ASS1: variants seen among roughly 807,000 people sequenced by gnomAD.
The protein encoded by ASS1 is argininosuccinate synthase 1.
Under a neutral mutation model 60.5 loss-of-function variants are expected in ASS1, and 58 were observed. That is an observed-to-expected ratio of 0.96 (90% CI 0.78 to 1.19). The LOEUF (loss-of-function observed/expected upper bound fraction) is 1.19, where lower values mean the gene tolerates loss of function less well. Among genes scored for constraint, ASS1 ranks in the 50% most tolerant of loss-of-function variants. ASS1 has a pLI of 0.00. For missense variants in ASS1, 454 were observed against 547.3 expected, an observed-to-expected ratio of 0.83 and a Z score of 1.70; for synonymous variants, 200 against 206.9, an observed-to-expected ratio of 0.97 and a Z score of 0.29.
Position 130,477,179 on chromosome 9 carries a change from G to A in ASS1, c.688+218G>A, listed in dbSNP as rs113834485. On this transcript the variant is annotated intron_variant, in intron 9 of 14. Transcript: ENST00000352480. This position sits in a 1 kb window ranked among gnomAD's most constrained non-coding sequence, Gnocchi z 4.2. ...CTAGGCTTGGGAGGAACATGCCCTC[G>A]GCTACCCATCACTCGGGTTCATGGG... Among the ~76,000 whole-genome samples the A allele has an allele frequency of 6.6e-6, 1 of 152,088 alleles. No individual in the cohort carries two copies. Among genetic ancestry groups the A allele is most frequent in the African/African-American group, 2.4e-5 (1 of 41,410 alleles).
intron 4 of ASS1, among the ~76,000 whole-genome samples, chr9:130,462,805 G>A (rs1311748109): frequency 6.6e-6 from 1 of 152,226 alleles, no homozygotes; most frequent in Non-Finnish European, 1.5e-5. Flanking sequence ...GCCTCCTGGG[G>A]CTGCTCAAAG....
At chr9:130,450,054 C>T (rs1234412773) in intron 1 of ASS1, among the ~76,000 whole-genome samples, 1 of 152,196 alleles carries the variant, frequency 6.6e-6, no homozygotes, top group Non-Finnish European at 1.5e-5. Context: ...CCACCCGCGC[C>T]ATCACACGCA....
chr9:130,471,437 T>G (rs778270266), intron 7 of ASS1, 48 bp from the exon 8 acceptor site: 2 of 1,607,500 alleles, frequency 1.2e-6, no homozygotes, highest in East Asian at 2.2e-5. Flanking sequence ...GATGGGGACA[T>G]GCCATGTCCC....
chr9:130,481,735 G>A (rs546411500), intron 11 of ASS1, among the ~76,000 whole-genome samples: 5 of 152,332 alleles, frequency 3.3e-5, no homozygotes, highest in African/African-American at 1.2e-4. Flanking sequence ...AGCATGGACC[G>A]GGGCGGGGAC....
chr9:130,464,026 C>G, intron 4 of ASS1, 85 bp from the exon 5 acceptor site: 1 of 1,454,084 alleles, frequency 6.9e-7, no homozygotes, highest in South Asian at 1.1e-5. Flanking sequence ...GTCTCCGCCA[C>G]GGGCTGTCCT....
chr9:130,467,045 C>G (rs373463553), intron 6 of ASS1, among the ~76,000 whole-genome samples: 1 of 152,216 alleles, frequency 6.6e-6, no homozygotes, highest in Non-Finnish European at 1.5e-5. Context: ...CCCAGTCCCC[C>G]GAGCCAGAGG....
At chr9:130,487,356 C>T (rs1379222858) in intron 11 of ASS1, among the ~76,000 whole-genome samples, 3 of 151,272 alleles carry the variant, frequency 2.0e-5, no homozygotes, top group Admixed American at 2.0e-4. Flanking sequence ...TCAGCCTCCC[C>T]AGATCCCCGG....
At chr9:130,452,483 G>C in intron 2 of ASS1, 150 bp downstream of exon 2, 1 of 752,540 alleles carries the variant, frequency 1.3e-6, no homozygotes, top group Non-Finnish European at 2.4e-6. Context: ...TCTTGAACTG[G>C]AACTAGGAAA....
chr9:130,455,051 T>TCATC (rs141916013), intron 3 of ASS1, among the ~76,000 whole-genome samples: 2 of 147,152 alleles, frequency 1.4e-5, no homozygotes, highest in Non-Finnish European at 3.0e-5. Context: ...CATTCATCCA[T>TCATC]CATCCATCCA....
At chr9:130,446,461 G>A (rs1387049876) in intron 1 of ASS1, among the ~76,000 whole-genome samples, 1 of 152,184 alleles carries the variant, frequency 6.6e-6, no homozygotes, top group African/African-American at 2.4e-5. Flanking sequence ...CTGTCCTGGC[G>A]GGGCCATCTG....
intron 5 of ASS1, 116 bp downstream of exon 5, chr9:130,464,283 C>T: frequency 3.1e-6 from 4 of 1,310,150 alleles, no homozygotes; most frequent in Non-Finnish European, 4.4e-6. Context: ...TCCTCCGTGG[C>T]AGGGGTGCCC....
chr9:130,450,400 T>C, intron 1 of ASS1: 1 of 948,228 alleles, frequency 1.1e-6, no homozygotes, highest in Non-Finnish European at 1.3e-6. Flanking sequence ...GCATGGCCAA[T>C]TGCCTGGCTG....
chr9:130,486,080 G>A (rs1846301417), intron 11 of ASS1, among the ~76,000 whole-genome samples: 1 of 151,886 alleles, frequency 6.6e-6, no homozygotes, highest in Non-Finnish European at 1.5e-5. Context: ...TCAACCTCCT[G>A]GGCTCCAGCA....
chr9:130,471,888 G>C (rs1293701658), intron 8 of ASS1, among the ~76,000 whole-genome samples: 2 of 152,212 alleles, frequency 1.3e-5, no homozygotes, highest in Non-Finnish European at 2.9e-5. Flanking sequence ...TGTGCTGCTG[G>C]AGTTTTGGTT....
intron 13 of ASS1, among the ~76,000 whole-genome samples, chr9:130,495,472 T>TACACACACACACACACAC (rs71499245): frequency 2.7e-5 from 4 of 146,900 alleles, no homozygotes; most frequent in African/African-American, 1.0e-4. Context: ...CACATACATA[T>TACACACACACACACACAC]ACACACACAC....
chr9:130,496,593 TAAAAAAAAAAAA>T (rs56807719), intron 13 of ASS1, among the ~76,000 whole-genome samples: 118 of 105,966 alleles, frequency 1.1e-3, no homozygotes, highest in Non-Finnish European at 2.0e-3. Context: ...ACTGTCTCTT[TAAAAAAAAAAAA>T]AAAAAAAAAA....
rs1337606231 is a variant in ASS1, at chr9:130,491,969, C to T, written c.970+2505C>T. 2.6e-5 allele frequency among the ~76,000 whole-genome samples: 4 copies of T among 152,158 alleles called. No homozygotes were observed. Among genetic ancestry groups the T allele is most frequent in the Non-Finnish European group, 5.9e-5 (4 of 68,038 alleles). ...ATGAGGGATACAGACATGGTATAGA[C>T]CAGGGCTTTGCCTGATCATGTTACT... On this transcript the variant is annotated intron_variant, in intron 12 of 14. Transcript: ENST00000352480. The surrounding 1 kb of genome is among the most constrained non-coding windows in gnomAD (Gnocchi z 5.3).
intron 4 of ASS1, among the ~76,000 whole-genome samples, chr9:130,460,557 G>A (rs970902234): frequency 6.6e-6 from 1 of 152,180 alleles, no homozygotes; most frequent in South Asian, 2.1e-4. Flanking sequence ...GTGAATAATG[G>A]CATGGAAGAG....
chr9:130,475,539 G>A (rs369577845), intron 8 of ASS1, among the ~76,000 whole-genome samples: 17 of 152,180 alleles, frequency 1.1e-4, no homozygotes, highest in South Asian at 8.3e-4. Flanking sequence ...AGGACCTCGC[G>A]GGGCTCCTGT....
Sources: allele counts gnomAD v4.1 joint callset (sites outside exome capture counted in the v4.1 genomes callset), GRCh38; gene constraint gnomAD v4.1.1; non-coding constraint Gnocchi (gnomAD v3.1); transcripts MANE v1.5; gene names NCBI Gene and HGNC (gene_info 2026-07-23, HGNC 2026-07-21).